Variants in MC2R observed in about 807,000 individuals in gnomAD.
MC2R encodes adrenocorticotropic hormone receptor.
Under a neutral mutation model 9.8 loss-of-function variants are expected in MC2R, and 9 were observed. That is an observed-to-expected ratio of 0.92 (90% confidence interval 0.55 to 1.60). The LOEUF (loss-of-function observed/expected upper bound fraction) is 1.60. Among genes scored for constraint, MC2R ranks in the 40% most tolerant of loss-of-function variants. The probability of loss-of-function intolerance (pLI) is 0.00; values close to 1 mark genes in which losing one functional copy is unlikely to be tolerated. For missense variants in MC2R, 370 were observed against 389.0 expected (o/e 0.95, Z 0.41); for synonymous variants, 185 against 154.7 (o/e 1.20, Z -1.45).
chr18:13,898,815 G>C (rs905308315), intron 1 of MC2R, among the ~76,000 whole-genome samples: 2 of 152,130 alleles, frequency 1.3e-5, no homozygotes, highest in Non-Finnish European at 2.9e-5. Context: ...AGTGTTACTG[G>C]GCTTGGAGTG....
At chr18:13,898,093 T>C (rs535682610) in intron 1 of MC2R, among the ~76,000 whole-genome samples, 2 of 151,456 alleles carry the variant, frequency 1.3e-5, no homozygotes, top group Non-Finnish European at 2.9e-5. Flanking sequence ...ATTCTAGGGA[T>C]TGACAAATGG....
rs1175961854 is a variant in MC2R, at chr18:13,885,317, T to C, written c.202A>G (p.Ile68Val). The C allele has an allele frequency of 2.5e-6, 4 of 1,614,188 alleles. No homozygotes were observed. The highest frequency in any genetic ancestry group is 2.5e-6 in the Non-Finnish European group (3 of 1,180,042). ...TATAGGCTGCCCAGCATATCAGATA[T>C]GGCCAAGCTACAGATGAAAAAGTAC... is the stretch of plus-strand genomic sequence containing the variant. Reference protein sequence around the residue: ...PMYFFICSLAISDMLGSLYKI... With the variant: ...PMYFFICSLAVSDMLGSLYKI... The change falls in exon 2 of 2, where the codon ATA (isoleucine) becomes GTA (valine). Residue 68 changes from isoleucine to valine, a missense_variant. Physicochemically the swap from Ile to Val is conservative, Grantham distance 29. Transcript: ENST00000327606.
intron 1 of MC2R, among the ~76,000 whole-genome samples, chr18:13,913,135 T>A (rs1434610152): frequency 6.6e-6 from 1 of 151,980 alleles, no homozygotes; most frequent in Non-Finnish European, 1.5e-5. Context: ...GTCCCGAGAA[T>A]GGAAGCTTTT....
chr18:13,888,672 G>T (rs748722336), intron 1 of MC2R, among the ~76,000 whole-genome samples: 4 of 152,164 alleles, frequency 2.6e-5, no homozygotes, highest in African/African-American at 7.2e-5. Flanking sequence ...CTTTCCTCTC[G>T]ACTTGGCCTT....
rs2149134910 is a variant in MC2R, at chr18:13,884,811, C to G, written c.708G>C (p.Val236=). The G allele has an allele frequency of 6.2e-7, 1 of 1,613,950 alleles. No homozygotes were observed. The highest frequency in any genetic ancestry group is 8.5e-7 in the Non-Finnish European group (1 of 1,180,012). ...GVFIFCWAPF[V]LHVLLMTFCP... ...AGAATGTCATCAAGAGGACATGAAG[C>G]ACAAAGGGGGCCCAGCAGAAGATGA... Residue 236 remains valine, a synonymous_variant, in exon 2 of 2, where the codon GTG becomes GTC. Transcript: ENST00000327606.
Position 13,884,863 on chromosome 18 carries a change from A to G in MC2R, c.656T>C (p.Ile219Thr), listed in dbSNP as rs760942130. The stretch of plus-strand genomic sequence containing the variant: ...GACCCCGAGCAGGATGGTCAGTGTG[A>G]TGGCCCCTTTCATGTTGGCTCTGGG... ...TLPRANMKGAITLTILLGVFI... is the reference protein window; with the variant it reads ...TLPRANMKGATTLTILLGVFI... The change falls in exon 2 of 2, where the codon ATC becomes ACC. Residue 219 changes from isoleucine to threonine, a missense_variant. Ile to Thr is a moderately conservative substitution (Grantham distance 89). Transcript: ENST00000327606. The G allele has an allele frequency of 6.2e-7, 1 of 1,614,034 alleles. No homozygotes were observed. The highest frequency in any genetic ancestry group is 8.5e-7 in the Non-Finnish European group (1 of 1,180,014).
chr18:13,913,862 G>C (rs967759785), intron 1 of MC2R, among the ~76,000 whole-genome samples: 5 of 152,160 alleles, frequency 3.3e-5, no homozygotes, highest in African/African-American at 9.7e-5. Flanking sequence ...AGATGGATCT[G>C]AGTTCCTTAG....
At chr18:13,911,125 T>C (rs2045441570) in intron 1 of MC2R, among the ~76,000 whole-genome samples, 1 of 152,098 alleles carries the variant, frequency 6.6e-6, no homozygotes, top group Admixed American at 6.6e-5. Flanking sequence ...GCTGCGGTGA[T>C]TGCTAGAGCA....
intron 1 of MC2R, among the ~76,000 whole-genome samples, chr18:13,895,688 G>A (rs1362450945): frequency 6.6e-6 from 1 of 152,172 alleles, no homozygotes; most frequent in Non-Finnish European, 1.5e-5. Context: ...CAGGAAGGGT[G>A]GGGAGGTGAC....
intron 1 of MC2R, among the ~76,000 whole-genome samples, chr18:13,906,663 C>G (rs1198662839): frequency 1.3e-5 from 2 of 152,150 alleles, no homozygotes; most frequent in East Asian, 3.8e-4. Context: ...ACTGTGAGAG[C>G]TGACAAACAA....
intron 1 of MC2R, among the ~76,000 whole-genome samples, chr18:13,897,490 ACAG>A (rs2045353287): frequency 6.6e-6 from 1 of 152,102 alleles, no homozygotes; most frequent in African/African-American, 2.4e-5. Flanking sequence ...AGGCCCAGAG[ACAG>A]CGGACTTGGG....
chr18:13,884,598 G>A lies in MC2R; in HGVS notation c.*27C>T, dbSNP rs886053650. 3 of 1,609,014 alleles carry A rather than the reference G, an allele frequency of 1.9e-6. No individual in the cohort carries two copies. In the South Asian group the frequency reaches 3.3e-5, roughly 18 times the overall value. On this transcript the variant is annotated 3_prime_UTR_variant, in exon 2 of 2. Transcript: ENST00000327606. ...TGGCACTTGGCAACGTTATTCCCAT[G>A]GATTCTAAAACCAGGGATCAGCCAT...
chr18:13,906,092 A>AAT (rs1195505781), intron 1 of MC2R, among the ~76,000 whole-genome samples: 1 of 152,168 alleles, frequency 6.6e-6, no homozygotes, highest in East Asian at 1.9e-4. Flanking sequence ...AAAAGAAAAA[A>AAT]ATATATAAAT....
At chr18:13,912,866 A>T (rs1041506453) in intron 1 of MC2R, among the ~76,000 whole-genome samples, 1 of 152,024 alleles carries the variant, frequency 6.6e-6, no homozygotes, top group African/African-American at 2.4e-5. Context: ...TCTTGTTTTG[A>T]ATTCCGCATA....
At position 13,885,042 on chromosome 18, in the gene MC2R, C is replaced by A. The variant is rs141290578; in HGVS notation, c.477G>T (p.Thr159=). The part of the protein sequence containing the change: ...VVLTVIWTFC[T]GTGITMVIFS... ...AGATCACCATGGTGATGCCAGTCCCCGTGCAGAACGTCCAGATGACCGTAA... is the reference window on the plus strand; with the variant it reads ...AGATCACCATGGTGATGCCAGTCCCAGTGCAGAACGTCCAGATGACCGTAA... Residue 159 remains threonine (T), a synonymous_variant, in exon 2 of 2, where the codon ACG becomes ACT. Coordinates refer to ENST00000327606, the MANE Select transcript of MC2R (RefSeq NM_000529.2). 6.2e-6 allele frequency: 10 copies of A among 1,614,114 alleles called. No individual in the cohort carries two copies. The African/African-American group carries it at 8.0e-5, about 13-fold the overall frequency.
intron 1 of MC2R, among the ~76,000 whole-genome samples, chr18:13,900,722 T>C (rs1234427921): frequency 6.6e-6 from 1 of 152,042 alleles, no homozygotes; most frequent in Non-Finnish European, 1.5e-5. Context: ...TATATGCACC[T>C]GAGACTGTAG....
At chr18:13,899,972 T>C (rs1360589181) in intron 1 of MC2R, among the ~76,000 whole-genome samples, 5 of 152,130 alleles carry the variant, frequency 3.3e-5, no homozygotes, top group African/African-American at 1.2e-4. Flanking sequence ...ATCATAACAC[T>C]GTAACTGTGC....
chr18:13,890,830 A>T (rs192973004), intron 1 of MC2R, among the ~76,000 whole-genome samples: 1 of 152,172 alleles, frequency 6.6e-6, no homozygotes, highest in African/African-American at 2.4e-5. Context: ...ACCAGCAAAC[A>T]TGAATATCCA....
At chr18:13,890,541 C>T (rs992906773) in intron 1 of MC2R, among the ~76,000 whole-genome samples, 1 of 152,102 alleles carries the variant, frequency 6.6e-6, no homozygotes, top group Non-Finnish European at 1.5e-5. Flanking sequence ...CTGATCTGCA[C>T]GTGTCGGGGT....
Sources: gnomAD v4.1 joint callset for allele counts (sites outside exome capture counted in the v4.1 genomes callset) on GRCh38, gnomAD v4.1.1 for gene constraint, MANE v1.5 for transcripts, NCBI Gene and HGNC (gene_info 2026-07-23, HGNC 2026-07-21) for gene names.